Variants in ZNF35 observed in about 807,000 individuals in gnomAD.
ZNF35 encodes the protein zinc finger protein 35 (clone HF.10).
In ZNF35, 31 loss-of-function variants were observed where a neutral mutation model predicts 45.9. The ratio of observed to expected loss-of-function variants is 0.68; its 90% CI spans 0.51 to 0.91. The LOEUF is 0.91. Ranked by LOEUF, ZNF35 falls within the 40% of genes least tolerant of loss-of-function variation. ZNF35 has a pLI of 0.00. For missense variants in ZNF35, 515 were observed against 625.4 expected (o/e 0.82, Z 1.88); for synonymous variants, 205 against 220.2 (o/e 0.93, Z 0.61).
In ZNF35 at chr3:44,659,264, T is replaced by G; in HGVS notation, c.901T>G (p.Ser301Ala). ...TCTGACTGTACATCAAAAAATCCAC[T>G]CCTTAGAAAAAACTTTTAAGTGCAA... ...SNLTVHQKIH[S>A]LEKTFKCNEC... The change falls in exon 4 of 4, where the codon TCC (serine) becomes GCC (alanine). Residue 301 changes from serine to alanine, a missense_variant. This residue lies in a region of ZNF35 where 232 missense variants were observed against 304.6 expected (regional missense o/e 0.76). Transcript: ENST00000396056. This position sits in a 1 kb window ranked among gnomAD's most constrained non-coding sequence, Gnocchi z 4.3. 6.2e-7 allele frequency: 1 copy of G among 1,613,462 alleles called. No individual in the cohort carries two copies.
At chr3:44,658,434 C>T (rs6790697) in intron 3 of ZNF35, among the ~76,000 whole-genome samples, 6,006 of 152,230 alleles carry the variant, frequency 0.039, 166 homozygotes, top group Non-Finnish European at 0.055. Flanking sequence ...CATGAGGCAG[C>T]GGGCAGCGGG....
chr3:44,658,452 G>T lies in ZNF35; in HGVS notation c.338-249G>T, dbSNP rs561118534. 3.3e-5 allele frequency among the ~76,000 whole-genome samples: 5 copies of T among 152,344 alleles called. No individual in the cohort carries two copies. The East Asian group carries it at 9.7e-4, about 29-fold the overall frequency. On this transcript the variant is annotated intron_variant, in intron 3 of 3. Coordinates refer to ENST00000396056, the MANE Select transcript of ZNF35 (RefSeq NM_003420.4). Reference sequence around the variant, plus strand: ...GAGGCAGCGGGCAGCGGGGTTAAGTGTCTAATGGAGGCAAGTGGAAGTGCT... The same window carrying T: ...GAGGCAGCGGGCAGCGGGGTTAAGTTTCTAATGGAGGCAAGTGGAAGTGCT...
At chr3:44,652,383 G>C (rs1703220317) in intron 2 of ZNF35, among the ~76,000 whole-genome samples, 174 bp from the exon 3 acceptor site, 1 of 152,182 alleles carries the variant, frequency 6.6e-6, no homozygotes, top group Admixed American at 6.5e-5. Context: ...TAGCTAGCTT[G>C]TTTCTCTGCC....
At chr3:44,658,560 A>G in intron 3 of ZNF35, 141 bp from the exon 4 acceptor site, 1 of 857,220 alleles carries the variant, frequency 1.2e-6, no homozygotes, top group East Asian at 2.6e-5. Flanking sequence ...AGGAGAGGTA[A>G]CATGTGATGG....
At chr3:44,653,984 C>T (rs1458404667) in intron 3 of ZNF35, among the ~76,000 whole-genome samples, 2 of 152,226 alleles carry the variant, frequency 1.3e-5, no homozygotes, top group Non-Finnish European at 2.9e-5. Flanking sequence ...CAAGGATCTC[C>T]ACCTAGATTT....
At chr3:44,653,572 G>A (rs1486646190) in intron 3 of ZNF35, among the ~76,000 whole-genome samples, 1 of 152,180 alleles carries the variant, frequency 6.6e-6, no homozygotes, top group African/African-American at 2.4e-5. Flanking sequence ...TTGAGCAAAT[G>A]CCCTGGAGAT....
chr3:44,651,192 A>C lies in ZNF35; in HGVS notation c.125A>C (p.Asn42Thr). 1 of 1,614,210 alleles carries C rather than the reference A, an allele frequency of 6.2e-7. No individual in the cohort carries two copies. Among genetic ancestry groups the C allele is most frequent in the South Asian group, 1.1e-5 (1 of 91,088 alleles). ...TCCAGCCAACAAGTGCACTCCGAGA[A>C]CATCAAAGTCTGGGCCCCAGTGCAG... ...QASSQQVHSE[N>T]IKVWAPVQGL... The change falls in exon 2 of 4, where the codon AAC becomes ACC. Residue 42 changes from asparagine to threonine, a missense_variant. Coordinates refer to ENST00000396056, the MANE Select transcript of ZNF35 (RefSeq NM_003420.4).
intron 3 of ZNF35, among the ~76,000 whole-genome samples, chr3:44,653,280 C>T (rs935736312): frequency 8.5e-5 from 13 of 152,154 alleles, no homozygotes; most frequent in Admixed American, 3.9e-4. Context: ...TCCAGGTTGG[C>T]CACTTCTGGA....
upstream of ZNF35, chr3:44,646,523 TA>T: frequency 6.8e-7 from 1 of 1,469,440 alleles, no homozygotes; most frequent in South Asian, 1.1e-5. Context: ...GAGGAACAAA[TA>T]AAAGACACCA....
chr3:44,657,946 T>C (rs1703337968), intron 3 of ZNF35, among the ~76,000 whole-genome samples: 1 of 152,182 alleles, frequency 6.6e-6, no homozygotes, highest in Non-Finnish European at 1.5e-5. Flanking sequence ...AATCTACTCA[T>C]GGCCTTATGA....
chr3:44,652,472 A>G, intron 2 of ZNF35, 85 bp from the exon 3 acceptor site: 1 of 1,326,688 alleles, frequency 7.5e-7, no homozygotes, highest in Non-Finnish European at 1.0e-6. Flanking sequence ...CCAGGAATAG[A>G]TAATTATGTT....
chr3:44,653,718 AG>A (rs1331367711), intron 3 of ZNF35, among the ~76,000 whole-genome samples: 2 of 152,208 alleles, frequency 1.3e-5, no homozygotes, highest in Non-Finnish European at 2.9e-5. Context: ...CTAGGACTAG[AG>A]AAAGGGTAGT....
intron 3 of ZNF35, among the ~76,000 whole-genome samples, chr3:44,657,747 T>C (rs756351894): frequency 2.0e-5 from 3 of 152,152 alleles, no homozygotes; most frequent in South Asian, 4.1e-4. Flanking sequence ...GAGTTTGCCA[T>C]GTACAGTTTC....
Position 44,652,615 on chromosome 3 carries a change from C to A in ZNF35, c.251C>A (p.Ala84Asp). 1 of 1,610,986 alleles carries A rather than the reference C, an allele frequency of 6.2e-7. No homozygotes were observed. The highest frequency in any genetic ancestry group is 8.5e-7 in the Non-Finnish European group (1 of 1,178,760). The change falls in exon 3 of 4, where the codon GCT becomes GAT. Residue 84 changes from alanine (A) to aspartate (D), a missense_variant. Around this residue, in one of 3 missense-constraint regions of ZNF35, gnomAD observed 275 missense variants for 295.7 expected, o/e 0.93. Transcript: ENST00000396056. ...CTGAAAGCAACTCAGGAGGCACCTG[C>A]TGCTTCAACCCTTGGCAGCTACTCA... Reference protein sequence around the residue: ...VVLKATQEAPAASTLGSYSLP... With the variant: ...VVLKATQEAPDASTLGSYSLP...
chr3:44,659,241 T>G lies in ZNF35; in HGVS notation c.878T>G (p.Leu293Arg). The change falls in exon 4 of 4, where the codon CTG (leucine) becomes CGG (arginine). Residue 293 changes from leucine (L) to arginine (R), a missense_variant. Physicochemically the swap from Leu to Arg is moderately radical, Grantham distance 102. This residue lies in a region of ZNF35 where 232 missense variants were observed against 304.6 expected (regional missense o/e 0.76). Transcript: ENST00000396056. This position sits in a 1 kb window ranked among gnomAD's most constrained non-coding sequence, Gnocchi z 4.3. ...AAAGCCTTCACTCAGAGTTCAAATC[T>G]GACTGTACATCAAAAAATCCACTCC... Reference protein sequence around the residue: ...CGKAFTQSSNLTVHQKIHSLE... With the variant: ...CGKAFTQSSNRTVHQKIHSLE... The G allele has an allele frequency of 1.9e-6, 3 of 1,613,976 alleles. No individual in the cohort carries two copies. The highest frequency in any genetic ancestry group is 2.5e-6 in the Non-Finnish European group (3 of 1,179,928).
At position 44,650,994 on chromosome 3, in the gene ZNF35, CAT is replaced by C. The variant is rs938819641; in HGVS notation, c.-72_-71del. 1 of 1,435,064 alleles carries C rather than the reference CAT, an allele frequency of 7.0e-7. No homozygotes were observed. The highest frequency in any genetic ancestry group is 1.4e-5 in the African/African-American group (1 of 70,062). 88.9% of individuals were successfully genotyped at this position (1,435,064 alleles called of 1,614,324 possible). A position where few individuals can be genotyped will look rare whatever the true frequency, so the allele number is the denominator to read the frequency against. Reference sequence around the variant, plus strand: ...GAAACTCAAGAAGAAGCTTTTGAAACATAAAGCTTGGATGGGGTTTGACCTCT... The same window carrying C: ...GAAACTCAAGAAGAAGCTTTTGAAACAAAGCTTGGATGGGGTTTGACCTCT... On this transcript the variant is annotated 5_prime_UTR_variant, in exon 2 of 4. Transcript: ENST00000396056.
intron 3 of ZNF35, among the ~76,000 whole-genome samples, chr3:44,657,599 T>C (rs988324946): frequency 7.2e-5 from 11 of 152,198 alleles, no homozygotes; most frequent in Non-Finnish European, 1.3e-4. Flanking sequence ...ATCCAGAGAC[T>C]AATCAGTGTC....
Position 44,659,087 on chromosome 3 carries a change from C to T in ZNF35, c.724C>T (p.Arg242Ter), listed in dbSNP as rs774412028. 17 of 1,613,722 alleles carry T rather than the reference C, an allele frequency of 1.1e-5. No individual in the cohort carries two copies. Among genetic ancestry groups the T allele is most frequent in the Non-Finnish European group, 1.4e-5 (17 of 1,180,000 alleles). The stretch of plus-strand genomic sequence containing the variant: ...GAGTGCAAACCTCGTTGTGCATCAG[C>T]GAATCCACACTGGAGAGAAACCCTT... Reference protein sequence around the residue: ...SQSANLVVHQRIHTGEKPFEC... With the variant: ...SQSANLVVHQ The change falls in exon 4 of 4, where the codon CGA becomes TGA. Residue 242 changes from arginine to a stop codon, truncating the protein, a stop_gained. Coordinates refer to ENST00000396056, the MANE Select transcript of ZNF35 (RefSeq NM_003420.4). LOFTEE classifies it high-confidence loss of function. The surrounding 1 kb of genome is among the most constrained non-coding windows in gnomAD (Gnocchi z 4.3).
Position 44,659,261 on chromosome 3 carries a change from C to T in ZNF35, c.898C>T (p.His300Tyr). 1.2e-6 allele frequency: 2 copies of T among 1,613,656 alleles called. No individual in the cohort carries two copies. Among genetic ancestry groups the T allele is most frequent in the Non-Finnish European group, 1.7e-6 (2 of 1,179,876 alleles). ...AAATCTGACTGTACATCAAAAAATC[C>T]ACTCCTTAGAAAAAACTTTTAAGTG... is the stretch of plus-strand genomic sequence containing the variant. ...SSNLTVHQKIHSLEKTFKCNE... is the reference protein window; with the variant it reads ...SSNLTVHQKIYSLEKTFKCNE... Residue 300 changes from histidine (H) to tyrosine (Y), a missense_variant, in exon 4 of 4, where the codon CAC becomes TAC. Coordinates refer to ENST00000396056, the MANE Select transcript of ZNF35 (RefSeq NM_003420.4). This position sits in a 1 kb window ranked among gnomAD's most constrained non-coding sequence, Gnocchi z 4.3.
Sources: gnomAD v4.1 joint callset for allele counts (sites outside exome capture counted in the v4.1 genomes callset) on GRCh38, gnomAD v4.1.1 for gene constraint, gnomAD v4.1.1 regional missense constraint, Gnocchi (gnomAD v3.1) non-coding constraint, MANE v1.5 for transcripts, NCBI Gene and HGNC (gene_info 2026-07-23, HGNC 2026-07-21) for gene names.